CPLANE1: variants seen among roughly 807,000 people sequenced by gnomAD.
CPLANE1 encodes ciliogenesis and planar polarity effector 1.
A neutral mutation model predicts 362.5 loss-of-function variants in CPLANE1; 263 were observed. The observed-to-expected ratio is 0.73, with a 90% confidence interval of 0.66 to 0.80. CPLANE1 has a LOEUF of 0.80. Among genes scored for constraint, CPLANE1 ranks in the 30% least tolerant of loss-of-function variants. CPLANE1 has a pLI of 0.00. For synonymous variants in CPLANE1, 1,212 were observed against 1,302.6 expected, an observed-to-expected ratio of 0.93 and a Z score of 1.50; for missense variants, 3,461 against 3,793.4, an observed-to-expected ratio of 0.91 and a Z score of 2.30.
At chr5:37,237,682 TA>T (rs537316810) in intron 8 of CPLANE1, among the ~76,000 whole-genome samples, 1 of 151,200 alleles carries the variant, frequency 6.6e-6, no homozygotes, top group South Asian at 2.1e-4. Flanking sequence ...CCATCTCTAC[TA>T]AAAAAAATAC....
At chr5:37,121,485 T>C (rs1762609048) in intron 49 of CPLANE1, 132 bp downstream of exon 49, 1 of 813,524 alleles carries the variant, frequency 1.2e-6, no homozygotes, top group Non-Finnish European at 1.9e-6. Flanking sequence ...ATGAGGCTAC[T>C]TTTTTCCTTT....
At chr5:37,170,734 G>A (rs1048113606) in intron 32 of CPLANE1, among the ~76,000 whole-genome samples, 2 of 152,112 alleles carry the variant, frequency 1.3e-5, no homozygotes, top group Non-Finnish European at 2.9e-5. Flanking sequence ...TCAAGAGATT[G>A]AGACCATCCT....
Position 37,227,064 on chromosome 5 carries a change from C to T in CPLANE1, c.1531G>A (p.Ala511Thr). 6.5e-7 allele frequency: 1 copy of T among 1,541,194 alleles called. No homozygotes were observed. Among genetic ancestry groups the T allele is most frequent in the Non-Finnish European group, 8.8e-7 (1 of 1,142,754 alleles). ...TGTCTGCCTTCGTTAGTTTCTTCTG[C>T]TTCAAAATCCTAAAACATGAGGGGA... ...ENAADFQDFEAEETNEGRHFP... is the reference protein window; with the variant it reads ...ENAADFQDFETEETNEGRHFP... The change falls in exon 12 of 53, where the codon GCA (alanine) becomes ACA (threonine). Residue 511 changes from alanine to threonine, a missense_variant. This residue lies in a region of CPLANE1 where 3,380 missense variants were observed against 3,666.1 expected (regional missense o/e 0.92). Transcript: ENST00000651892.
the CPLANE1 span, among the ~76,000 whole-genome samples, chr5:37,080,802 G>T: frequency 3.9e-5 from 6 of 152,164 alleles, no homozygotes; most frequent in African/African-American, 7.2e-5. Flanking sequence ...GTGCCCTAGA[G>T]TAAGGCCCAC....
At position 37,183,302 on chromosome 5, in the gene CPLANE1, C is replaced by A; in HGVS notation, c.4879G>T (p.Glu1627Ter). Reference sequence around the variant, plus strand: ...TTTAAAGAGGATGATTTTTCTGATTCATAGGACTCAGGAGCAACAACAAAG... The same window carrying A: ...TTTAAAGAGGATGATTTTTCTGATTAATAGGACTCAGGAGCAACAACAAAG... Reference protein sequence around the residue: ...SCFVVAPESYESEKSSSLNDE... With the variant: ...SCFVVAPESY The change falls in exon 26 of 53, where the codon GAA becomes TAA. Residue 1627 changes from glutamate to a stop codon, truncating the protein, a stop_gained. Coordinates refer to ENST00000651892, the MANE Select transcript of CPLANE1 (RefSeq NM_001384732.1). LOFTEE classifies it high-confidence loss of function. 1 of 1,613,230 alleles carries A rather than the reference C, an allele frequency of 6.2e-7. No homozygotes were observed. The highest frequency in any genetic ancestry group is 1.7e-5 in the Admixed American group (1 of 59,918).
intron 8 of CPLANE1, among the ~76,000 whole-genome samples, chr5:37,233,937 C>A (rs756786330): frequency 1.3e-5 from 2 of 152,150 alleles, no homozygotes; most frequent in African/African-American, 2.4e-5. Context: ...AATAACTACA[C>A]CTTAAGCCAC....
At position 37,168,925 on chromosome 5, in the gene CPLANE1, T is replaced by C. The variant is rs778278672; in HGVS notation, c.7099A>G (p.Lys2367Glu). Residue 2367 changes from lysine to glutamate, a missense_variant, in exon 34 of 53, where the codon AAA becomes GAA. Physicochemically the swap from Lys to Glu is moderately conservative, Grantham distance 56 (BLOSUM62 1). This residue lies in a region of CPLANE1 where 3,380 missense variants were observed against 3,666.1 expected (regional missense o/e 0.92). Transcript: ENST00000651892. Reference sequence around the variant, plus strand: ...GTTGATGGAAACATATTAGGAGGTTTAAGTGGCAGGTATAGTAACGGAAGT... The same window carrying C: ...GTTGATGGAAACATATTAGGAGGTTCAAGTGGCAGGTATAGTAACGGAAGT... ...FGLPLLYLPLKPPNMFPSTSR... is the reference protein window; with the variant it reads ...FGLPLLYLPLEPPNMFPSTSR... The C allele has an allele frequency of 1.1e-4, 185 of 1,614,056 alleles. No individual in the cohort carries two copies. The East Asian group carries it at 3.7e-3, about 32-fold the overall frequency.
At chr5:37,126,493 C>CCT (rs1764160396) in intron 46 of CPLANE1, among the ~76,000 whole-genome samples, 1 of 152,096 alleles carries the variant, frequency 6.6e-6, no homozygotes, top group African/African-American at 2.4e-5. Flanking sequence ...TCTCCCCTAC[C>CCT]CTCTTTCCCT....
At chr5:37,246,863 A>G (rs897261959) in intron 2 of CPLANE1, among the ~76,000 whole-genome samples, 4 of 152,110 alleles carry the variant, frequency 2.6e-5, no homozygotes, top group African/African-American at 9.7e-5. Flanking sequence ...AGCCGAGAGG[A>G]TGCCATTGCG....
the CPLANE1 span, among the ~76,000 whole-genome samples, chr5:37,088,561 T>G: frequency 6.6e-6 from 1 of 152,142 alleles, no homozygotes; most frequent in Non-Finnish European, 1.5e-5. Context: ...AATCAGTGCA[T>G]GTGTAAATTT....
intron 47 of CPLANE1, chr5:37,124,790 G>T: frequency 1.6e-6 from 1 of 621,554 alleles, no homozygotes; most frequent in African/African-American, 2.0e-5. Flanking sequence ...TTGGTCACAA[G>T]TGATCCTCTC....
At chr5:37,110,988 T>C (rs984544235) in intron 51 of CPLANE1, among the ~76,000 whole-genome samples, 2 of 151,096 alleles carry the variant, frequency 1.3e-5, no homozygotes, top group African/African-American at 4.9e-5. Context: ...TTTGTATTTT[T>C]AGTAGAGATG....
Position 37,142,304 on chromosome 5 carries a change from C to A in CPLANE1, c.8632+6G>T, listed in dbSNP as rs1770001817. 6.5e-7 allele frequency: 1 copy of A among 1,545,032 alleles called. No individual in the cohort carries two copies. Among genetic ancestry groups the A allele is most frequent in the Non-Finnish European group, 8.7e-7 (1 of 1,151,788 alleles). On this transcript the variant is annotated splice_donor_region_variant and intron_variant, in intron 44 of 52. Transcript: ENST00000651892. ...TATGTGTAAATGAAAAAGTAAAGAA[C>A]AATACCAGGAGAAGTAGTATTCTGA...
At chr5:37,113,439 T>G (rs1430029760) in intron 51 of CPLANE1, among the ~76,000 whole-genome samples, 1 of 152,252 alleles carries the variant, frequency 6.6e-6, no homozygotes, top group Non-Finnish European at 1.5e-5. Context: ...ATTAAACTTC[T>G]TTCCTTTTAA....
rs138495618 is a variant in CPLANE1 at position 37,125,244 on chromosome 5, T to C, written c.8958A>G (p.Pro2986=). 181 of 1,610,286 alleles carry C rather than the reference T, an allele frequency of 1.1e-4. No homozygotes were observed. The highest frequency in any genetic ancestry group is 6.6e-4 in the Middle Eastern group (4 of 6,072). ...ATTACCCTTGACATGGCAGACTTAC[T>C]GGATTGCTTCTGGGACAGAAAGGAT... ...EHDPFCPRSN[P]LYMTSREIRL... The change falls in exon 47 of 53, where the codon CCA becomes CCG. Residue 2986 remains proline, a splice_region_variant and synonymous_variant. Coordinates refer to ENST00000651892, the MANE Select transcript of CPLANE1 (RefSeq NM_001384732.1).
chr5:37,192,861 A>G (rs1786001884), intron 21 of CPLANE1, among the ~76,000 whole-genome samples: 1 of 144,388 alleles, frequency 6.9e-6, no homozygotes, highest in African/African-American at 2.6e-5. Flanking sequence ...ATCAAAAAAA[A>G]AAAAAAAAAA....
At chr5:37,126,379 C>A (rs1764130719) in intron 46 of CPLANE1, among the ~76,000 whole-genome samples, 1 of 152,114 alleles carries the variant, frequency 6.6e-6, no homozygotes, top group Non-Finnish European at 1.5e-5. Flanking sequence ...TGTGAAAGGC[C>A]CATTGCTGCA....
the CPLANE1 span, among the ~76,000 whole-genome samples, chr5:37,081,242 C>T: frequency 6.6e-6 from 1 of 152,034 alleles, no homozygotes; most frequent in Non-Finnish European, 1.5e-5. Flanking sequence ...CTTGAGATGC[C>T]CCAAAGACTT....
At chr5:37,163,458 C>T (rs1225641072) in intron 37 of CPLANE1, among the ~76,000 whole-genome samples, 2 of 152,080 alleles carry the variant, frequency 1.3e-5, no homozygotes, top group East Asian at 3.9e-4. Flanking sequence ...AGTGGAAAAA[C>T]TCAAGAGGAA....
Sources: gnomAD v4.1 joint callset for allele counts (sites outside exome capture counted in the v4.1 genomes callset) on GRCh38, gnomAD v4.1.1 for gene constraint, gnomAD v4.1.1 regional missense constraint, MANE v1.5 for transcripts, NCBI Gene and HGNC (gene_info 2026-07-23, HGNC 2026-07-21) for gene names.